The following PALD1 variants were observed in gnomAD, a reference collection of about 807,000 sequenced individuals.
PALD1 encodes paladin.
In PALD1, 57 loss-of-function variants were observed where a neutral mutation model predicts 96.0. The ratio of observed to expected loss-of-function variants is 0.59; its 90% CI spans 0.48 to 0.74. The LOEUF (loss-of-function observed/expected upper bound fraction) is 0.74, where lower values mean the gene tolerates loss of function less well. Among genes scored for constraint, PALD1 ranks in the 30% least tolerant of loss-of-function variants. PALD1 has a pLI of 0.00. For synonymous variants in PALD1, 464 were observed against 473.6 expected (o/e 0.98, Z 0.26); for missense variants, 1,063 against 1,143.7 (o/e 0.93, Z 1.02).
chr10:70,459,415 G>T, the PALD1 span, among the ~76,000 whole-genome samples: 37 of 152,044 alleles, frequency 2.4e-4, no homozygotes, highest in African/African-American at 8.7e-4. Flanking sequence ...GCCCCCTCCC[G>T]CGACAGTAGG....
Position 70,519,667 on chromosome 10 carries a change from C to T in PALD1, c.-29-6256C>T, listed in dbSNP as rs1589191969. 3.3e-5 allele frequency among the ~76,000 whole-genome samples: 5 copies of T among 151,906 alleles called. No homozygotes were observed. The South Asian group carries it at 1.0e-3, about 32-fold the overall frequency. On this transcript the variant is annotated intron_variant, in intron 1 of 19. Transcript: ENST00000263563. ...TCAACTCACCGCAACTTCTGCCTCC[C>T]AGATTCGAGTGATTCTCCTGCCTTA...
At chr10:70,558,976 G>C (rs576464345) in intron 18 of PALD1, among the ~76,000 whole-genome samples, 1 of 152,214 alleles carries the variant, frequency 6.6e-6, no homozygotes, top group East Asian at 1.9e-4. Context: ...TCAGCCGAGG[G>C]TCTGGTGATA....
intron 18 of PALD1, among the ~76,000 whole-genome samples, chr10:70,563,401 C>G (rs907793632): frequency 3.9e-5 from 6 of 152,242 alleles, no homozygotes; most frequent in South Asian, 2.1e-4. Flanking sequence ...CTCCCACACT[C>G]TCTGGGAAAT....
the PALD1 span, among the ~76,000 whole-genome samples, chr10:70,463,911 G>C: frequency 6.6e-6 from 1 of 152,188 alleles, no homozygotes; most frequent in East Asian, 1.9e-4. Flanking sequence ...CTTGACCAGT[G>C]TGGAAAGAAG....
At chr10:70,552,257 A>G (rs940633584) in intron 18 of PALD1, among the ~76,000 whole-genome samples, 3 of 152,192 alleles carry the variant, frequency 2.0e-5, no homozygotes, top group South Asian at 2.1e-4. Context: ...CCGTGTTCAC[A>G]TTCCATGCAG....
chr10:70,531,557 C>A lies in PALD1; in HGVS notation c.633+103C>A, dbSNP rs1846991467. On this transcript the variant is annotated intron_variant, in intron 5 of 19. Transcript: ENST00000263563. ...CTGCTCTTACTGGCCCGTGTTCCCC[C>A]ACTGTTGTGCCCTGCTTGGGTGAGT... 3 of 1,114,928 alleles carry A rather than the reference C, an allele frequency of 2.7e-6. No individual in the cohort carries two copies. The South Asian group carries it at 4.8e-5, about 18-fold the overall frequency. The allele number at this position is 1,114,928 out of a possible 1,614,324, so 69.1% of individuals were successfully genotyped here.
chr10:70,495,936 G>A (rs977127433), intron 1 of PALD1, among the ~76,000 whole-genome samples: 1 of 151,926 alleles, frequency 6.6e-6, no homozygotes, highest in Admixed American at 6.6e-5. Flanking sequence ...GCTTGAGTCT[G>A]GGAGGTCAAG....
intron 10 of PALD1, among the ~76,000 whole-genome samples, chr10:70,537,033 G>C (rs1346060300): frequency 6.6e-6 from 1 of 152,128 alleles, no homozygotes; most frequent in East Asian, 1.9e-4. Context: ...CTGTAAATTA[G>C]GAGTAATTAG....
chr10:70,533,203 G>A, intron 7 of PALD1, 133 bp downstream of exon 7: 2 of 723,606 alleles, frequency 2.8e-6, no homozygotes, highest in Non-Finnish European at 4.8e-6. Context: ...AGCATGTTAG[G>A]GTGGACGTGT....
chr10:70,495,951 CA>C (rs1363069279), intron 1 of PALD1, among the ~76,000 whole-genome samples: 3 of 151,902 alleles, frequency 2.0e-5, no homozygotes, highest in African/African-American at 7.3e-5. Context: ...GTCAAGGCTG[CA>C]GTGAGTCATG....
At chr10:70,505,604 C>T (rs55889537) in intron 1 of PALD1, among the ~76,000 whole-genome samples, 9 of 724 alleles carry the variant, frequency 0.012, no homozygotes, top group Non-Finnish European at 0.11. Context: ...AACTCTGTCT[C>T]AAAACAAAAC....
chr10:70,557,184 G>A (rs1238574379), intron 18 of PALD1, among the ~76,000 whole-genome samples: 2 of 152,216 alleles, frequency 1.3e-5, no homozygotes, highest in African/African-American at 2.4e-5. Context: ...ACTTTGGCCT[G>A]CTGGACCCCT....
chr10:70,548,929 A>G (rs1450369096), intron 18 of PALD1, among the ~76,000 whole-genome samples: 1 of 151,594 alleles, frequency 6.6e-6, no homozygotes, highest in Non-Finnish European at 1.5e-5. Flanking sequence ...CTGCCAGGCC[A>G]GGGGAAGAGT....
chr10:70,463,240 TA>T, the PALD1 span, among the ~76,000 whole-genome samples: 1 of 152,122 alleles, frequency 6.6e-6, no homozygotes, highest in East Asian at 1.9e-4. Context: ...CCATCTCTAC[TA>T]AAAATGCAAA....
chr10:70,563,019 C>G (rs1192536494), intron 18 of PALD1, among the ~76,000 whole-genome samples: 1 of 152,144 alleles, frequency 6.6e-6, no homozygotes, highest in Non-Finnish European at 1.5e-5. Context: ...AGTACTGAAG[C>G]CATAACGTGT....
the PALD1 span, among the ~76,000 whole-genome samples, chr10:70,461,304 C>T: frequency 6.6e-6 from 1 of 152,172 alleles, no homozygotes; most frequent in Non-Finnish European, 1.5e-5. Flanking sequence ...GAGAGGCCTT[C>T]CCCACGAACC....
chr10:70,512,842 C>G (rs1481204409), intron 1 of PALD1, among the ~76,000 whole-genome samples: 1 of 152,248 alleles, frequency 6.6e-6, no homozygotes, highest in African/African-American at 2.4e-5. Flanking sequence ...AAGCCCACCC[C>G]CTGCTCACCT....
Position 70,540,161 on chromosome 10 carries a change from C to CAGGTGTGTGTGTGTATTTGTTATA in PALD1, c.1908+414_1908+437dup, listed in dbSNP as rs1847213291. Among the ~76,000 whole-genome samples, 1 of 150,650 alleles carries CAGGTGTGTGTGTGTATTTGTTATA rather than the reference C, an allele frequency of 6.6e-6. No homozygotes were observed. The highest frequency in any genetic ancestry group is 2.4e-5 in the African/African-American group (1 of 40,896). ...ATCGGGGTGTGTGTGTATTCTGTTA[C>CAGGTGTGTGTGTGTATTTGTTATA]AGGTGTGTGTGTGTATTTGTTATAA... On this transcript the variant is annotated intron_variant, in intron 15 of 19. Coordinates refer to ENST00000263563, the MANE Select transcript of PALD1 (RefSeq NM_014431.3). This position sits in a 1 kb window ranked among gnomAD's most constrained non-coding sequence, Gnocchi z 4.2.
chr10:70,460,927 C>A, the PALD1 span, among the ~76,000 whole-genome samples: 1 of 152,158 alleles, frequency 6.6e-6, no homozygotes, highest in Non-Finnish European at 1.5e-5. Context: ...TGGTGGCATG[C>A]GCCTGTAATC....
Sources: allele counts gnomAD v4.1 joint callset (sites outside exome capture counted in the v4.1 genomes callset), GRCh38; gene constraint gnomAD v4.1.1; non-coding constraint Gnocchi (gnomAD v3.1); transcripts MANE v1.5; gene names NCBI Gene and HGNC (gene_info 2026-07-23, HGNC 2026-07-21).